The following KCNK2 variants were observed in gnomAD, a reference collection of about 807,000 sequenced individuals.
KCNK2 encodes potassium channel subfamily K member 2.
KCNK2 carries 21 observed loss-of-function variants against 40.5 expected under a neutral mutation model. The observed-to-expected ratio is 0.52, with a 90% CI of 0.37 to 0.75. The LOEUF is 0.75. Among genes scored for constraint, KCNK2 ranks in the 30% least tolerant of loss-of-function variants. The pLI, the probability that KCNK2 is intolerant of heterozygous loss-of-function variation, is 0.00. For synonymous variants in KCNK2, 191 were observed against 202.2 expected (o/e 0.94, Z 0.47); for missense variants, 399 against 531.6 (o/e 0.75, Z 2.45).
intron 1 of KCNK2, among the ~76,000 whole-genome samples, chr1:215,020,292 C>T (rs1313549560): frequency 6.6e-6 from 1 of 152,164 alleles, no homozygotes; most frequent in East Asian, 1.9e-4. Flanking sequence ...AGTCTGGCTA[C>T]AAAGATATTT....
intron 1 of KCNK2, among the ~76,000 whole-genome samples, chr1:215,029,389 G>A (rs1657106646): frequency 2.7e-5 from 1 of 37,550 alleles, no homozygotes; most frequent in Non-Finnish European, 9.8e-5. Flanking sequence ...AATCTATTTG[G>A]ATTTTTTTTT....
At chr1:215,233,653 G>A (rs1538543) in intron 6 of KCNK2, among the ~76,000 whole-genome samples, 148,535 of 152,304 alleles carry the variant, frequency 0.98, 72,546 homozygotes, top group East Asian at 1. Context: ...AAACACATTA[G>A]ACAGAGCTGT....
intron 1 of KCNK2, among the ~76,000 whole-genome samples, chr1:215,022,593 A>G (rs1025808723): frequency 6.6e-6 from 1 of 152,042 alleles, no homozygotes; most frequent in African/African-American, 2.4e-5. Context: ...GGCACAGGAT[A>G]TTTTTTTAAA....
At chr1:215,225,061 T>C (rs775002228) in intron 6 of KCNK2, among the ~76,000 whole-genome samples, 5 of 152,080 alleles carry the variant, frequency 3.3e-5, no homozygotes, top group African/African-American at 4.8e-5. Flanking sequence ...GGAATAAAAA[T>C]ACTACTTAAA....
At chr1:215,213,282 C>G (rs931856633) in intron 6 of KCNK2, among the ~76,000 whole-genome samples, 4 of 152,128 alleles carry the variant, frequency 2.6e-5, no homozygotes, top group Non-Finnish European at 5.9e-5. Context: ...AAGCACTCTT[C>G]TTATTTTAAA....
At chr1:215,101,961 ATTTTG>A (rs1202356500) in intron 2 of KCNK2, among the ~76,000 whole-genome samples, 1 of 151,876 alleles carries the variant, frequency 6.6e-6, no homozygotes, top group African/African-American at 2.4e-5. Context: ...CCATTATGTT[ATTTTG>A]TTTTATTTAT....
At chr1:215,147,420 T>C (rs555977643) in intron 3 of KCNK2, among the ~76,000 whole-genome samples, 1 of 152,328 alleles carries the variant, frequency 6.6e-6, no homozygotes, top group African/African-American at 2.4e-5. Flanking sequence ...GAACAGATCT[T>C]TTCACAAAGA....
intron 2 of KCNK2, among the ~76,000 whole-genome samples, chr1:215,108,029 A>G (rs936031469): frequency 6.6e-6 from 1 of 152,124 alleles, no homozygotes; most frequent in African/African-American, 2.4e-5. Context: ...AAACGATTCC[A>G]CCTCAGATCA....
chr1:215,219,668 G>A (rs1056262318), intron 6 of KCNK2, among the ~76,000 whole-genome samples: 3 of 151,992 alleles, frequency 2.0e-5, no homozygotes, highest in African/African-American at 7.3e-5. Context: ...TCTATTTAAT[G>A]CATATTTTTT....
intron 2 of KCNK2, among the ~76,000 whole-genome samples, chr1:215,122,033 A>T (rs1248594011): frequency 8.5e-5 from 13 of 152,106 alleles, no homozygotes; most frequent in Admixed American, 8.5e-4. Context: ...GGTGCAGAGG[A>T]TTGGCAATAT....
chr1:215,017,378 G>A (rs1052950444), intron 1 of KCNK2, among the ~76,000 whole-genome samples: 2 of 152,066 alleles, frequency 1.3e-5, no homozygotes, highest in Non-Finnish European at 2.9e-5. Flanking sequence ...AGAAAATGTG[G>A]TATATGAACA....
chr1:215,234,854 T>C lies in KCNK2; in HGVS notation c.990T>C (p.Ala330=), dbSNP rs1317168242. 2 of 1,613,862 alleles carry C rather than the reference T, an allele frequency of 1.2e-6. No individual in the cohort carries two copies. The highest frequency in any genetic ancestry group is 1.7e-6 in the Non-Finnish European group (2 of 1,179,844). The change falls in exon 7 of 7, where the codon GCT becomes GCC. Residue 330 remains alanine (A), a synonymous_variant. Coordinates refer to ENST00000444842, the MANE Select transcript of KCNK2 (RefSeq NM_001017425.3). ...EEVGEFRAHA[A]EWTANVTAEF... ...TGGGAGAGTTCAGAGCACACGCTGCTGAGTGGACAGCCAACGTCACAGCCG... is the reference window on the plus strand; with the variant it reads ...TGGGAGAGTTCAGAGCACACGCTGCCGAGTGGACAGCCAACGTCACAGCCG...
At chr1:215,062,716 A>G (rs1471435820) in intron 1 of KCNK2, among the ~76,000 whole-genome samples, 1 of 151,840 alleles carries the variant, frequency 6.6e-6, no homozygotes, top group Non-Finnish European at 1.5e-5. Flanking sequence ...CTGTGCAAAT[A>G]AGACCACAGA....
intron 1 of KCNK2, among the ~76,000 whole-genome samples, chr1:215,028,894 A>G (rs1312258274): frequency 1.3e-5 from 2 of 152,160 alleles, no homozygotes; most frequent in Non-Finnish European, 2.9e-5. Flanking sequence ...GAATAATTTA[A>G]TAATTCATTT....
intron 2 of KCNK2, among the ~76,000 whole-genome samples, chr1:215,095,185 A>T (rs1448775162): frequency 1.3e-5 from 2 of 152,106 alleles, no homozygotes; most frequent in African/African-American, 4.8e-5. Flanking sequence ...TTAGGCACAT[A>T]TGTAGTAATT....
intron 3 of KCNK2, among the ~76,000 whole-genome samples, chr1:215,144,600 A>T (rs1341578423): frequency 6.6e-6 from 1 of 152,078 alleles, no homozygotes; most frequent in Non-Finnish European, 1.5e-5. Flanking sequence ...ATTCTGCCTT[A>T]TTGCCACCAA....
chr1:215,182,449 G>A (rs1036125446), intron 5 of KCNK2, among the ~76,000 whole-genome samples: 3 of 152,014 alleles, frequency 2.0e-5, no homozygotes, highest in Admixed American at 6.6e-5. Context: ...AGTGGAAAGG[G>A]CCCACTGCAC....
chr1:215,141,419 G>A (rs893025931), intron 3 of KCNK2, among the ~76,000 whole-genome samples: 3 of 152,042 alleles, frequency 2.0e-5, no homozygotes, highest in African/African-American at 7.2e-5. Flanking sequence ...GTCACTAGAC[G>A]ATAGGAATTT....
rs1665845515 is a variant in KCNK2 at position 215,213,911 on chromosome 1, T to G, written c.963+18819T>G. On this transcript the variant is annotated intron_variant, in intron 6 of 6. Transcript: ENST00000444842. Reference sequence around the variant, plus strand: ...ATGTCAAAGCTCTAGAATTTTATATTTAATAAATATTCTATCTTAATTTAT... The same window carrying G: ...ATGTCAAAGCTCTAGAATTTTATATGTAATAAATATTCTATCTTAATTTAT... Among the ~76,000 whole-genome samples the G allele has an allele frequency of 2.0e-5, 3 of 152,310 alleles. No homozygotes were observed. In the South Asian group the frequency reaches 6.2e-4, roughly 32 times the overall value.
Sources: allele counts gnomAD v4.1 joint callset (sites outside exome capture counted in the v4.1 genomes callset), GRCh38; gene constraint gnomAD v4.1.1; transcripts MANE v1.5; gene names NCBI Gene and HGNC (gene_info 2026-07-23, HGNC 2026-07-21).